Variants in ROBO2 observed in about 807,000 individuals in gnomAD.
The protein encoded by ROBO2 is roundabout homolog 2.
In ROBO2, 53 loss-of-function variants were observed where a neutral mutation model predicts 160.8. The ratio of observed to expected loss-of-function variants is 0.33; its 90% confidence interval spans 0.26 to 0.41. The LOEUF (loss-of-function observed/expected upper bound fraction) is 0.41, where lower values mean the gene tolerates loss of function less well. Among genes scored for constraint, ROBO2 ranks in the 10% least tolerant of loss-of-function variants. ROBO2 has a pLI of 1.00. For synonymous variants in ROBO2, 664 were observed against 611.7 expected, an observed-to-expected ratio of 1.09 and a Z score of -1.26; for missense variants, 1,577 against 1,722.4, an observed-to-expected ratio of 0.92 and a Z score of 1.49.
chr3:76,503,792 G>A (rs143600682), intron 2 of ROBO2, among the ~76,000 whole-genome samples: 159 of 152,306 alleles, frequency 1.0e-3, no homozygotes, highest in South Asian at 2.9e-3. Context: ...AGTGGATGGT[G>A]GGAGGTGAGG....
intron 2 of ROBO2, among the ~76,000 whole-genome samples, chr3:76,291,501 A>T (rs912632740): frequency 6.6e-6 from 1 of 151,938 alleles, no homozygotes; most frequent in Non-Finnish European, 1.5e-5. Flanking sequence ...GATATTTTAT[A>T]TGATTTCCTG....
At chr3:77,433,849 T>G (rs2153544563) in intron 2 of ROBO2, among the ~76,000 whole-genome samples, 1 of 152,146 alleles carries the variant, frequency 6.6e-6, no homozygotes, top group Non-Finnish European at 1.5e-5. Flanking sequence ...GTCAGTTTTG[T>G]CCCTTCCCTT....
chr3:77,342,718 C>T (rs1415986439), intron 2 of ROBO2, among the ~76,000 whole-genome samples: 5 of 152,066 alleles, frequency 3.3e-5, no homozygotes, highest in African/African-American at 1.2e-4. Flanking sequence ...GTTGGCATCC[C>T]CCACCCAACA....
chr3:76,421,938 G>T (rs1398610203), intron 2 of ROBO2, among the ~76,000 whole-genome samples: 1 of 152,026 alleles, frequency 6.6e-6, no homozygotes, highest in Non-Finnish European at 1.5e-5. Flanking sequence ...CTTTCTGCCA[G>T]TTGTTTACAT....
chr3:77,243,900 C>T (rs1580323885), intron 2 of ROBO2, among the ~76,000 whole-genome samples: 1 of 152,294 alleles, frequency 6.6e-6, no homozygotes, highest in Non-Finnish European at 1.5e-5. Flanking sequence ...AAAACCTGAA[C>T]CCTACACTCC....
At chr3:76,983,003 A>C (rs918658826) in intron 2 of ROBO2, among the ~76,000 whole-genome samples, 3 of 152,208 alleles carry the variant, frequency 2.0e-5, no homozygotes, top group African/African-American at 7.2e-5. Context: ...TATGAAGTGT[A>C]GACCAGGCAT....
chr3:76,228,315 T>G (rs1704415637), intron 2 of ROBO2, among the ~76,000 whole-genome samples: 1 of 152,166 alleles, frequency 6.6e-6, no homozygotes, highest in East Asian at 1.9e-4. Flanking sequence ...AATGGTTCTA[T>G]AAATAGGCAA....
At chr3:76,161,047 C>A (rs2072612675) in intron 2 of ROBO2, among the ~76,000 whole-genome samples, 1 of 152,054 alleles carries the variant, frequency 6.6e-6, no homozygotes, top group African/African-American at 2.4e-5. Flanking sequence ...GGAAAACACA[C>A]TAAAGCTTGT....
At chr3:76,267,078 T>G (rs1017236468) in intron 2 of ROBO2, among the ~76,000 whole-genome samples, 18 of 152,300 alleles carry the variant, frequency 1.2e-4, no homozygotes, top group African/African-American at 4.1e-4. Context: ...TGATTTGTAT[T>G]TCAGATGATG....
At chr3:77,117,663 T>G (rs1295370029) in intron 2 of ROBO2, among the ~76,000 whole-genome samples, 1 of 152,160 alleles carries the variant, frequency 6.6e-6, no homozygotes, top group African/African-American at 2.4e-5. Flanking sequence ...AGTTTATGTC[T>G]TTTAAAAACT....
At chr3:77,475,994 G>A (rs2083950592) in intron 2 of ROBO2, among the ~76,000 whole-genome samples, 1 of 152,128 alleles carries the variant, frequency 6.6e-6, no homozygotes, top group Admixed American at 6.5e-5. Context: ...AATTTGTGCT[G>A]AATTATTTCT....
intron 2 of ROBO2, among the ~76,000 whole-genome samples, chr3:77,110,827 T>G (rs1280991537): frequency 6.6e-6 from 1 of 151,868 alleles, no homozygotes; most frequent in African/African-American, 2.4e-5. Flanking sequence ...CCCAGTAGCT[T>G]GTGCTACAGG....
chr3:77,344,929 T>C (rs112663332), intron 2 of ROBO2, among the ~76,000 whole-genome samples: 1,567 of 152,246 alleles, frequency 0.01, 20 homozygotes, highest in Middle Eastern at 0.017. Context: ...TTATGATAAA[T>C]AATTCTTGAA....
intron 2 of ROBO2, among the ~76,000 whole-genome samples, chr3:77,269,498 C>T (rs116239790): frequency 0.041 from 6,267 of 152,108 alleles, 201 homozygotes; most frequent in Non-Finnish European, 0.061. Flanking sequence ...AATTCATCTG[C>T]GAGCCACAAG....
chr3:75,975,104 T>G (rs2065101770), intron 2 of ROBO2, among the ~76,000 whole-genome samples: 1 of 151,560 alleles, frequency 6.6e-6, no homozygotes, highest in Admixed American at 6.6e-5. Context: ...GATACATACT[T>G]CGGGATTAGA....
At chr3:77,058,741 T>C in intron 1 of ROBO2, among the ~76,000 whole-genome samples, 1 of 151,928 alleles carries the variant, frequency 6.6e-6, no homozygotes, top group African/African-American at 2.4e-5. Flanking sequence ...TTTCATCATG[T>C]TGCCCAGGCT....
intron 11 of ROBO2, among the ~76,000 whole-genome samples, chr3:77,563,606 G>T (rs2093398241): frequency 6.6e-6 from 1 of 152,062 alleles, no homozygotes. Flanking sequence ...GACCATTGTA[G>T]GGATTTAAGG....
chr3:77,566,895 T>C (rs2093498902), intron 12 of ROBO2, among the ~76,000 whole-genome samples: 1 of 152,108 alleles, frequency 6.6e-6, no homozygotes, highest in Admixed American at 6.6e-5. Context: ...CACTTTGCAC[T>C]GTGAACTCTT....
At chr3:77,293,763 A>G (rs62251167) in intron 2 of ROBO2, among the ~76,000 whole-genome samples, 3,033 of 102,892 alleles carry the variant, frequency 0.029, 1 homozygote, top group Admixed American at 0.044. Flanking sequence ...ATCACCCCAG[A>G]CATAAAGTAA....
Sources: allele counts gnomAD v4.1 joint callset (sites outside exome capture counted in the v4.1 genomes callset), GRCh38; gene constraint gnomAD v4.1.1; transcripts MANE v1.5; gene names NCBI Gene and HGNC (gene_info 2026-07-23, HGNC 2026-07-21).